GOLGA7: variants seen among roughly 807,000 people sequenced by gnomAD.
The protein encoded by GOLGA7 is golgin A7.
GOLGA7 carries 10 observed loss-of-function variants against 21.1 expected under a neutral mutation model. The observed-to-expected ratio is 0.47, with a 90% CI of 0.29 to 0.80. The LOEUF is 0.80. Among genes scored for constraint, GOLGA7 ranks in the 30% least tolerant of loss-of-function variants. GOLGA7 has a pLI of 0.08. For synonymous variants in GOLGA7, 64 were observed against 62.6 expected (o/e 1.02, Z -0.10); for missense variants, 114 against 166.8 (o/e 0.68, Z 1.74).
Position 41,490,985 on chromosome 8 carries a change from A to T in GOLGA7, c.111+20A>T. On this transcript the variant is annotated intron_variant, in intron 1 of 4. Transcript: ENST00000357743. ...AACCGGGTACGCAACCTGGCTCCCC[A>T]CGCCTGCTCTGGCGAGGGAGAGAGA... 2 of 1,331,504 alleles carry T rather than the reference A, an allele frequency of 1.5e-6. No individual in the cohort carries two copies. Among genetic ancestry groups the T allele is most frequent in the Non-Finnish European group, 2.1e-6 (2 of 942,410 alleles). 82.5% of individuals were successfully genotyped at this position (1,331,504 alleles called of 1,614,324 possible). A position where few individuals can be genotyped will look rare whatever the true frequency, so the allele number is the denominator to read the frequency against.
rs190799807 is a variant in GOLGA7 at position 41,492,229 on chromosome 8, C to G, written c.111+1264C>G. On this transcript the variant is annotated intron_variant, in intron 1 of 4. Transcript: ENST00000357743. Reference sequence around the variant, plus strand: ...TGTTGTCAACTATGTTATGAGTTAACTGAGCGTGACAATAGGTGGAACTAT... The same window carrying G: ...TGTTGTCAACTATGTTATGAGTTAAGTGAGCGTGACAATAGGTGGAACTAT... Among the ~76,000 whole-genome samples the G allele has an allele frequency of 5.3e-5, 8 of 152,318 alleles. No individual in the cohort carries two copies. In the East Asian group the frequency reaches 1.5e-3, roughly 29 times the overall value.
intron 2 of GOLGA7, among the ~76,000 whole-genome samples, chr8:41,500,765 G>GA (rs1189662729): frequency 6.6e-6 from 1 of 152,118 alleles, no homozygotes; most frequent in Non-Finnish European, 1.5e-5. Context: ...TTGCTTTGTG[G>GA]AAAAAAGGCA....
At chr8:41,508,125 C>T (rs1294453339) in intron 4 of GOLGA7, among the ~76,000 whole-genome samples, 1 of 152,138 alleles carries the variant, frequency 6.6e-6, no homozygotes, top group Non-Finnish European at 1.5e-5. Context: ...GGATATGAAC[C>T]CAAGTCTGAT....
intron 2 of GOLGA7, among the ~76,000 whole-genome samples, chr8:41,502,192 G>A (rs990187412): frequency 2.6e-4 from 39 of 152,324 alleles, no homozygotes; most frequent in African/African-American, 9.1e-4. Flanking sequence ...GTGCATTTGT[G>A]TTTTGATAAA....
At chr8:41,506,036 A>G in intron 3 of GOLGA7, 24 bp downstream of exon 3, 1 of 1,114,938 alleles carries the variant, frequency 9.0e-7, no homozygotes, top group Non-Finnish European at 1.3e-6. Flanking sequence ...TCGGATCAGA[A>G]AGTCTAAATA....
chr8:41,501,337 C>G (rs1806145211), intron 2 of GOLGA7, among the ~76,000 whole-genome samples: 1 of 149,986 alleles, frequency 6.7e-6, no homozygotes, highest in African/African-American at 2.5e-5. Flanking sequence ...GAGACAGAGT[C>G]TTGCTCTGTC....
Position 41,510,429 on chromosome 8 carries a change from TTATAAA to T in GOLGA7, c.*867_*872del, listed in dbSNP as rs1806394753. 6.6e-6 allele frequency: 1 copy of T among 152,668 alleles called. No homozygotes were observed. 9.5% of individuals were successfully genotyped at this position (152,668 alleles called of 1,614,324 possible). On this transcript the variant is annotated 3_prime_UTR_variant, in exon 5 of 5. Transcript: ENST00000357743. ...AAAAAATATTTTAATTATAGTTTTG[TTATAAA>T]TATAACTTATGAGAAAAAAATTTGA...
chr8:41,507,139 T>C lies in GOLGA7; in HGVS notation c.*15+18T>C, dbSNP rs1481186392. The C allele has an allele frequency of 2.1e-5, 19 of 889,062 alleles. No homozygotes were observed. The highest frequency in any genetic ancestry group is 3.5e-5 in the Non-Finnish European group (18 of 517,850). 55.1% of individuals were successfully genotyped at this position (889,062 alleles called of 1,614,324 possible). A position where few individuals can be genotyped will look rare whatever the true frequency, so the allele number is the denominator to read the frequency against. ...AATTAAAGGTAAATATGAAATGATA[T>C]GGCTTGTATGCAGCTTTTGCAAGTT... On this transcript the variant is annotated intron_variant, in intron 4 of 4. Transcript: ENST00000357743.
At chr8:41,493,566 A>T (rs1346082282) in intron 1 of GOLGA7, among the ~76,000 whole-genome samples, 5 of 152,228 alleles carry the variant, frequency 3.3e-5, no homozygotes, top group Non-Finnish European at 5.9e-5. Flanking sequence ...TAGCCTTAAA[A>T]TACAGATATC....
In GOLGA7 at chr8:41,510,409, A is replaced by T. The variant is rs181993229; in HGVS notation, c.*841A>T. On this transcript the variant is annotated 3_prime_UTR_variant, in exon 5 of 5. Transcript: ENST00000357743. The stretch of plus-strand genomic sequence containing the variant: ...GATATGGAATAAGCAGGTATAAAAA[A>T]TATTTTAATTATAGTTTTGTTATAA... 2.0e-5 allele frequency: 3 copies of T among 152,792 alleles called. No homozygotes were observed. The highest frequency in any genetic ancestry group is 7.2e-5 in the African/African-American group (3 of 41,582). The allele number at this position is 152,792 out of a possible 1,614,324, so 9.5% of individuals were successfully genotyped here.
intron 1 of GOLGA7, among the ~76,000 whole-genome samples, chr8:41,494,720 C>A (rs1805965570): frequency 6.6e-6 from 1 of 152,118 alleles, no homozygotes; most frequent in Admixed American, 6.5e-5. Flanking sequence ...GTCCAAATCT[C>A]TAATATTCCT....
chr8:41,501,385 T>G (rs1232884038), intron 2 of GOLGA7, among the ~76,000 whole-genome samples: 2 of 151,542 alleles, frequency 1.3e-5, no homozygotes, highest in African/African-American at 4.9e-5. Context: ...CCCGGCTCAC[T>G]GCAACCTCCA....
At position 41,490,652 on chromosome 8, in the gene GOLGA7, G is replaced by T; in HGVS notation, c.-203G>T. ...TCCCGGGCCGAACCGGGTTGTGGGG[G>T]GCGCGGGGCCTGGGCCAGGCGGCAG... On this transcript the variant is annotated 5_prime_UTR_variant, in exon 1 of 5. Transcript: ENST00000357743. 1 of 545,278 alleles carries T rather than the reference G, an allele frequency of 1.8e-6. No individual in the cohort carries two copies. The highest frequency in any genetic ancestry group is 2.4e-5 in the South Asian group (1 of 42,546). The allele number at this position is 545,278 out of a possible 1,614,324, so 33.8% of individuals were successfully genotyped here.
rs556369699 is a variant in GOLGA7, at chr8:41,490,639, C to T, written c.-216C>T. 2 of 535,054 alleles carry T rather than the reference C, an allele frequency of 3.7e-6. No individual in the cohort carries two copies. The highest frequency in any genetic ancestry group is 6.6e-6 in the Non-Finnish European group (2 of 302,914). 33.1% of individuals were successfully genotyped at this position (535,054 alleles called of 1,614,324 possible). ...GCGGGTTTGTGTTTCCCGGGCCGAA[C>T]CGGGTTGTGGGGGGCGCGGGGCCTG... On this transcript the variant is annotated 5_prime_UTR_variant, in exon 1 of 5. Transcript: ENST00000357743.
In GOLGA7 at chr8:41,498,669, A is replaced by G. The variant is rs537719476; in HGVS notation, c.264+1008A>G. Among the ~76,000 whole-genome samples, 5 of 152,334 alleles carry G rather than the reference A, an allele frequency of 3.3e-5. 1 individual carries two copies. Among genetic ancestry groups the G allele is most frequent in the African/African-American group, 9.6e-5 (4 of 41,574 alleles). On this transcript the variant is annotated intron_variant, in intron 2 of 4. Transcript: ENST00000357743. ...TGTGTCCCTACAACATTTTATTTGT[A>G]TCTGTTTTCTGGCACTTGCCTCACT...
At chr8:41,494,472 G>T (rs1805959036) in intron 1 of GOLGA7, among the ~76,000 whole-genome samples, 1 of 152,122 alleles carries the variant, frequency 6.6e-6, no homozygotes, top group Non-Finnish European at 1.5e-5. Flanking sequence ...AATGTGATTG[G>T]AATTATTTAG....
intron 1 of GOLGA7, among the ~76,000 whole-genome samples, chr8:41,492,620 C>T (rs1805910811): frequency 6.6e-6 from 1 of 152,196 alleles, no homozygotes; most frequent in Non-Finnish European, 1.5e-5. Flanking sequence ...CGAGATCATG[C>T]CATTGTACTC....
intron 2 of GOLGA7, among the ~76,000 whole-genome samples, chr8:41,501,588 G>A (rs1359353541): frequency 6.6e-6 from 1 of 152,082 alleles, no homozygotes; most frequent in East Asian, 1.9e-4. Context: ...TAGAGATGGG[G>A]TCTCACTATG....
At chr8:41,492,428 G>T (rs1042000085) in intron 1 of GOLGA7, among the ~76,000 whole-genome samples, 2 of 148,662 alleles carry the variant, frequency 1.3e-5, no homozygotes, top group Middle Eastern at 3.2e-3. Flanking sequence ...CTGGGAGGCC[G>T]TGGCGGGTGC....
Sources: allele counts gnomAD v4.1 joint callset (sites outside exome capture counted in the v4.1 genomes callset), GRCh38; gene constraint gnomAD v4.1.1; transcripts MANE v1.5; gene names NCBI Gene and HGNC (gene_info 2026-07-23, HGNC 2026-07-21).